Variants in TSTD2 observed in about 807,000 individuals in gnomAD.
The protein encoded by TSTD2 is thiosulfate sulfurtransferase/rhodanese-like domain-containing protein 2.
Under a neutral mutation model 47.9 loss-of-function variants are expected in TSTD2, and 37 were observed. The observed-to-expected ratio is 0.77, with a 90% CI of 0.59 to 1.02. TSTD2 has a LOEUF of 1.02. Ranked by LOEUF, TSTD2 falls within the 50% of genes least tolerant of loss-of-function variation. The pLI, the probability that TSTD2 is intolerant of heterozygous loss-of-function variation, is 0.00. For synonymous variants in TSTD2, 201 were observed against 215.9 expected (o/e 0.93, Z 0.61); for missense variants, 586 against 616.0 (o/e 0.95, Z 0.52).
At chr9:97,628,826 C>T (rs984976975) in intron 1 of TSTD2, among the ~76,000 whole-genome samples, 9 of 152,128 alleles carry the variant, frequency 5.9e-5, no homozygotes, top group African/African-American at 2.2e-4. Context: ...GTAAGCCAAT[C>T]CAACCCATGC....
At chr9:97,610,517 C>T (rs1826440976) in intron 5 of TSTD2, 66 bp from the exon 6 acceptor site, 1 of 1,194,862 alleles carries the variant, frequency 8.4e-7, no homozygotes, top group African/African-American at 1.6e-5. Flanking sequence ...AGACAAGTGC[C>T]AATATAAGAA....
chr9:97,628,184 T>G (rs189484609), intron 1 of TSTD2, among the ~76,000 whole-genome samples: 1 of 152,314 alleles, frequency 6.6e-6, no homozygotes. Flanking sequence ...TTAGAAGAAA[T>G]AGTTCCCAAG....
chr9:97,617,076 T>C (rs927936144), intron 4 of TSTD2, among the ~76,000 whole-genome samples: 5 of 152,236 alleles, frequency 3.3e-5, no homozygotes, highest in African/African-American at 1.2e-4. Flanking sequence ...TAAATGAAGA[T>C]TATACTTTCA....
Position 97,601,332 on chromosome 9 carries a change from C to T in TSTD2, c.*1137G>A. The T allele has an allele frequency of 8.7e-7, 1 of 1,148,454 alleles. No homozygotes were observed. Among genetic ancestry groups the T allele is most frequent in the Non-Finnish European group, 1.1e-6 (1 of 917,916 alleles). 71.1% of individuals were successfully genotyped at this position (1,148,454 alleles called of 1,614,324 possible). A position where few individuals can be genotyped will look rare whatever the true frequency, so the allele number is the denominator to read the frequency against. ...CACTGGCCAGAAGACTGGGCAGCCA[C>T]CATGGCAGTGCTGGATGACCTCAGT... On this transcript the variant is annotated 3_prime_UTR_variant, in exon 10 of 10. Coordinates refer to ENST00000341170, the MANE Select transcript of TSTD2 (RefSeq NM_139246.5).
chr9:97,608,141 C>A (rs1175353097), intron 6 of TSTD2, among the ~76,000 whole-genome samples: 5 of 151,630 alleles, frequency 3.3e-5, no homozygotes, highest in Non-Finnish European at 7.4e-5. Context: ...TGAGATTGCG[C>A]CACTGCACCC....
intron 3 of TSTD2, among the ~76,000 whole-genome samples, chr9:97,618,298 C>T (rs1751625534): frequency 6.6e-6 from 1 of 152,130 alleles, no homozygotes; most frequent in African/African-American, 2.4e-5. Flanking sequence ...TTATTATTAT[C>T]CCCATTTAAC....
rs1826229801 is a variant in TSTD2 at position 97,600,426 on chromosome 9, T to C, written c.*2043A>G. On this transcript the variant is annotated 3_prime_UTR_variant, in exon 10 of 10. Transcript: ENST00000341170. ...GTTCTTTAAGAACATTTGGGATTTA[T>C]GTACAATTTAATACTGGAGTTAGAA... 2 of 985,810 alleles carry C rather than the reference T, an allele frequency of 2.0e-6. No homozygotes were observed. The highest frequency in any genetic ancestry group is 1.1e-4 in the East Asian group (1 of 8,824). 61.1% of individuals were successfully genotyped at this position (985,810 alleles called of 1,614,324 possible).
At position 97,601,127 on chromosome 9, in the gene TSTD2, A is replaced by G. The variant is rs1464501018; in HGVS notation, c.*1342T>C. 7.7e-7 allele frequency: 1 copy of G among 1,304,312 alleles called. No individual in the cohort carries two copies. The highest frequency in any genetic ancestry group is 1.5e-5 in the African/African-American group (1 of 66,000). 80.8% of individuals were successfully genotyped at this position (1,304,312 alleles called of 1,614,324 possible). ...GGAAGAGTGTCCACTGAGGCTGCAC[A>G]TGGCCCAGGAGTGGCACCATGTTGC... On this transcript the variant is annotated 3_prime_UTR_variant, in exon 10 of 10. Transcript: ENST00000341170.
In TSTD2 at chr9:97,617,897, G is replaced by A. The variant is rs1826571859; in HGVS notation, c.483-20C>T. 2 of 1,602,796 alleles carry A rather than the reference G, an allele frequency of 1.2e-6. No individual in the cohort carries two copies. Among genetic ancestry groups the A allele is most frequent in the East Asian group, 4.5e-5 (2 of 44,620 alleles). ...TGGCCACTATAAAATGAAAATCCAA[G>A]GCAAAGAGCATTTGAGTCGCTGGCA... is the stretch of plus-strand genomic sequence containing the variant. On this transcript the variant is annotated intron_variant, in intron 3 of 9. Transcript: ENST00000341170.
In TSTD2 at chr9:97,613,564, G is replaced by A. The variant is rs114215340; in HGVS notation, c.604-1865C>T. ...GGGCCCTGCAGAGTTGGTTGTTTTC[G>A]TACTACAAAATCCTGTGGATGAGTT... is the stretch of plus-strand genomic sequence containing the variant. On this transcript the variant is annotated intron_variant, in intron 4 of 9. Transcript: ENST00000341170. Among the ~76,000 whole-genome samples, 1,154 of 152,132 alleles carry A rather than the reference G, an allele frequency of 7.6e-3. 10 individuals are homozygous for A. The highest frequency in any genetic ancestry group is 0.025 in the African/African-American group (1,057 of 41,508).
chr9:97,603,051 A>C (rs1450497931), intron 9 of TSTD2: 2 of 317,966 alleles, frequency 6.3e-6, no homozygotes, highest in Non-Finnish European at 1.2e-5. Flanking sequence ...GATGGTAATG[A>C]AAGTTTCTCT....
Position 97,633,307 on chromosome 9 carries a change from T to A in TSTD2, c.-115A>T, listed in dbSNP as rs549791914. On this transcript the variant is annotated 5_prime_UTR_variant, in exon 1 of 10. Transcript: ENST00000341170. ...ACTGTCTCCGCCTAGCAATTGTCAC[T>A]GCTCACCGCCCTCGAGCCTATTCCC... is the stretch of plus-strand genomic sequence containing the variant. 8.6e-5 allele frequency: 26 copies of A among 303,426 alleles called. No homozygotes were observed. The highest frequency in any genetic ancestry group is 1.5e-4 in the Non-Finnish European group (25 of 165,798). 18.8% of individuals were successfully genotyped at this position (303,426 alleles called of 1,614,324 possible). A position where few individuals can be genotyped will look rare whatever the true frequency, so the allele number is the denominator to read the frequency against.
intron 3 of TSTD2, among the ~76,000 whole-genome samples, chr9:97,622,904 A>G (rs938558762): frequency 1.3e-5 from 2 of 152,252 alleles, no homozygotes; most frequent in African/African-American, 4.8e-5. Flanking sequence ...TGCTTTTAAC[A>G]GGCTCATAGG....
chr9:97,610,414 C>T lies in TSTD2; in HGVS notation c.767G>A (p.Arg256His), dbSNP rs756280716. Reference protein sequence around the residue: ...KGGAHCFPELRVGVFEEIVPM... With the variant: ...KGGAHCFPELHVGVFEEIVPM... ...CACGATTTCTTCAAATACACCAACACGCAATTCTGGAAAACAGTGAGCTCC... is the reference window on the plus strand; with the variant it reads ...CACGATTTCTTCAAATACACCAACATGCAATTCTGGAAAACAGTGAGCTCC... Residue 256 changes from arginine to histidine, a missense_variant, in exon 6 of 10, where the codon CGT (arginine) becomes CAT (histidine). Transcript: ENST00000341170. The T allele has an allele frequency of 1.0e-5, 16 of 1,590,056 alleles. No individual in the cohort carries two copies. The highest frequency in any genetic ancestry group is 4.7e-5 in the East Asian group (2 of 43,006).
At chr9:97,625,490 T>C (rs751740575) in intron 3 of TSTD2, among the ~76,000 whole-genome samples, 191 bp downstream of exon 3, 15 of 152,216 alleles carry the variant, frequency 9.9e-5, no homozygotes, top group African/African-American at 1.9e-4. Context: ...CCGAACACTT[T>C]TCCAAAGTGG....
intron 1 of TSTD2, among the ~76,000 whole-genome samples, chr9:97,632,080 G>A (rs1486155963): frequency 6.6e-6 from 1 of 151,950 alleles, no homozygotes; most frequent in Non-Finnish European, 1.5e-5. Context: ...AACTCTGCCT[G>A]GCACCTAGGA....
chr9:97,604,449 T>C (rs959993902), intron 9 of TSTD2: 7 of 360,088 alleles, frequency 1.9e-5, no homozygotes, highest in East Asian at 5.3e-5. Context: ...TCTTGGCAGG[T>C]AGACAGGCAG....
At chr9:97,615,136 A>T (rs1826523862) in intron 4 of TSTD2, among the ~76,000 whole-genome samples, 1 of 152,218 alleles carries the variant, frequency 6.6e-6, no homozygotes, top group South Asian at 2.1e-4. Flanking sequence ...CTCCCTATAT[A>T]GCTAGGGCAG....
chr9:97,609,618 G>C (rs948641130), intron 6 of TSTD2, among the ~76,000 whole-genome samples: 1 of 152,156 alleles, frequency 6.6e-6, no homozygotes, highest in African/African-American at 2.4e-5. Flanking sequence ...TAAGGAATCA[G>C]TTAAAATGTT....
Sources: gnomAD v4.1 joint callset for allele counts (sites outside exome capture counted in the v4.1 genomes callset) on GRCh38, gnomAD v4.1.1 for gene constraint, MANE v1.5 for transcripts, NCBI Gene and HGNC (gene_info 2026-07-23, HGNC 2026-07-21) for gene names.